Variants in FRMPD4 observed in about 807,000 individuals in gnomAD.
The protein encoded by FRMPD4 is FERM and PDZ domain containing 4.
In FRMPD4, 22 loss-of-function variants were observed where a neutral mutation model predicts 94.1. That is an observed-to-expected ratio of 0.23 (90% CI 0.17 to 0.33). FRMPD4 has a LOEUF of 0.33. Among genes scored for constraint, FRMPD4 ranks in the 10% least tolerant of loss-of-function variants. FRMPD4 has a pLI of 1.00. For synonymous variants in FRMPD4, 631 were observed against 548.6 expected (o/e 1.15, Z -2.10); for missense variants, 1,111 against 1,339.9 (o/e 0.83, Z 2.67).
At chrX:11,942,692 A>AT (rs1228828931) in intron 3 of FRMPD4, among the ~76,000 whole-genome samples, 1 of 112,147 alleles carries the variant, frequency 8.9e-6, no homozygotes, top group East Asian at 2.8e-4. Context: ...CACAAGATCA[A>AT]TTTTTTATTG....
chrX:12,020,620 A>G (rs1240963913), intron 3 of FRMPD4, among the ~76,000 whole-genome samples: 1 of 112,234 alleles, frequency 8.9e-6, no homozygotes, highest in Non-Finnish European at 1.9e-5. Context: ...ATGGAACTGC[A>G]GGGGAGGCTG....
intron 3 of FRMPD4, among the ~76,000 whole-genome samples, chrX:11,930,896 A>G (rs1295190087): frequency 9.0e-6 from 1 of 110,823 alleles, no homozygotes; most frequent in African/African-American, 3.3e-5. Flanking sequence ...GAGTAGGTCA[A>G]TGATGAGTTG....
chrX:12,421,240 T>C (rs2148085990), intron 1 of FRMPD4, among the ~76,000 whole-genome samples: 1 of 112,281 alleles, frequency 8.9e-6, no homozygotes, highest in East Asian at 2.8e-4. Flanking sequence ...AATTCCATTT[T>C]TTTATGTCAA....
intron 1 of FRMPD4, among the ~76,000 whole-genome samples, chrX:12,374,570 T>C (rs1230474275): frequency 8.9e-6 from 1 of 111,792 alleles, no homozygotes; most frequent in Non-Finnish European, 1.9e-5. Context: ...GGCAGTCCTT[T>C]AAAAAACAAA....
chrX:12,435,922 C>G (rs1373155111), intron 1 of FRMPD4, among the ~76,000 whole-genome samples: 1 of 111,348 alleles, frequency 9.0e-6, no homozygotes, highest in Non-Finnish European at 1.9e-5. Flanking sequence ...GTAAAATTTC[C>G]CAGATTTTAA....
At chrX:12,704,000 A>C (rs1479996483) in intron 10 of FRMPD4, among the ~76,000 whole-genome samples, 4 of 112,083 alleles carry the variant, frequency 3.6e-5, no homozygotes, top group Admixed American at 2.8e-4. Context: ...ATAGAAATCA[A>C]CAAAGGGATG....
At chrX:12,465,104 G>A (rs144433401) in intron 1 of FRMPD4, among the ~76,000 whole-genome samples, 1 of 111,227 alleles carries the variant, frequency 9.0e-6, no homozygotes, top group East Asian at 2.8e-4. Context: ...AGTCATTATG[G>A]ACAGCATTTT....
intron 4 of FRMPD4, among the ~76,000 whole-genome samples, chrX:12,668,640 T>C (rs2148497045): frequency 9.9e-6 from 1 of 101,303 alleles, no homozygotes; most frequent in Admixed American, 1.1e-4. Context: ...GTTTCACTCT[T>C]GTCACCGAGG....
intron 3 of FRMPD4, among the ~76,000 whole-genome samples, chrX:11,916,806 C>T (rs1411761260): frequency 8.9e-6 from 1 of 111,802 alleles, no homozygotes; most frequent in Non-Finnish European, 1.9e-5. Flanking sequence ...CATGTCTGCA[C>T]TGTCATGTGC....
intron 3 of FRMPD4, among the ~76,000 whole-genome samples, chrX:11,910,582 T>G (rs2053991554): frequency 9.0e-6 from 1 of 111,003 alleles, no homozygotes; most frequent in Non-Finnish European, 1.9e-5. Context: ...CCCAACGAAT[T>G]TTTTTGTGTT....
chrX:12,298,375 A>G (rs899576176), intron 1 of FRMPD4, among the ~76,000 whole-genome samples: 1 of 112,400 alleles, frequency 8.9e-6, no homozygotes, highest in Non-Finnish European at 1.9e-5. Flanking sequence ...CAAGCTCTCA[A>G]TGTTCTACCT....
At chrX:11,859,411 C>T (rs757134429) in intron 1 of FRMPD4, among the ~76,000 whole-genome samples, 91 of 111,790 alleles carry the variant, frequency 8.1e-4, no homozygotes, top group Non-Finnish European at 1.5e-3. Context: ...TTCTTTCAAA[C>T]TTAGAATTGA....
At chrX:12,279,799 TCCCA>T (rs773725112) in intron 1 of FRMPD4, among the ~76,000 whole-genome samples, 1 of 110,723 alleles carries the variant, frequency 9.0e-6, no homozygotes, top group African/African-American at 3.3e-5. Context: ...TCCAAAAGAT[TCCCA>T]GGTACAGAAG....
chrX:11,981,346 C>T (rs1473813927), intron 3 of FRMPD4, among the ~76,000 whole-genome samples: 8 of 111,351 alleles, frequency 7.2e-5, no homozygotes, highest in Non-Finnish European at 1.3e-4. Context: ...CTCTTTAAGG[C>T]TCTGTCAATT....
At chrX:12,416,994 T>C (rs560413316) in intron 1 of FRMPD4, among the ~76,000 whole-genome samples, 8 of 111,905 alleles carry the variant, frequency 7.1e-5, no homozygotes, top group African/African-American at 2.6e-4. Context: ...TTCAATTTAA[T>C]TTATAGATAA....
intron 3 of FRMPD4, among the ~76,000 whole-genome samples, chrX:12,061,727 TA>T: frequency 8.9e-6 from 1 of 112,306 alleles, no homozygotes; most frequent in Non-Finnish European, 1.9e-5. Context: ...AATATGATTA[TA>T]GGGGTATTTG....
At chrX:11,829,766 C>T (rs1257985620) in intron 1 of FRMPD4, among the ~76,000 whole-genome samples, 1 of 111,675 alleles carries the variant, frequency 9.0e-6, no homozygotes, top group East Asian at 2.8e-4. Context: ...ACTGAGAAAG[C>T]AAAAGAATAA....
At chrX:12,280,359 G>T (rs970331296) in intron 1 of FRMPD4, among the ~76,000 whole-genome samples, 6 of 110,103 alleles carry the variant, frequency 5.4e-5, no homozygotes, top group Non-Finnish European at 1.1e-4. Flanking sequence ...GGTGGCTCCT[G>T]GTTGGAGACC....
chrX:12,654,109 G>T (rs1164609722), intron 4 of FRMPD4, among the ~76,000 whole-genome samples: 3 of 110,745 alleles, frequency 2.7e-5, no homozygotes, highest in Non-Finnish European at 5.7e-5. Context: ...TCTTCTTCCA[G>T]ATGAAAAAAA....
Sources: gnomAD v4.1 joint callset for allele counts (sites outside exome capture counted in the v4.1 genomes callset) on GRCh38, gnomAD v4.1.1 for gene constraint, MANE v1.5 for transcripts, NCBI Gene and HGNC (gene_info 2026-07-23, HGNC 2026-07-21) for gene names.